Variants in DLC1 observed in about 807,000 individuals in gnomAD.
DLC1 encodes DLC1 Rho GTPase activating protein, also known as rho GTPase-activating protein 7.
A neutral mutation model predicts 140.3 loss-of-function variants in DLC1; 54 were observed. That is an observed-to-expected ratio of 0.38 (90% CI 0.31 to 0.48). The LOEUF is 0.48. DLC1 is among the 20% of genes least tolerant of loss of function. The pLI is 0.96. For synonymous variants in DLC1, 986 were observed against 728.1 expected, an observed-to-expected ratio of 1.35 and a Z score of -5.70; for missense variants, 2,536 against 1,907.0, an observed-to-expected ratio of 1.33 and a Z score of -6.14.
intron 5 of DLC1, among the ~76,000 whole-genome samples, chr8:13,283,069 T>C (rs1440148159): frequency 2.6e-5 from 4 of 152,212 alleles, no homozygotes; most frequent in South Asian, 2.1e-4. Context: ...CTGCATAATA[T>C]ACTCAGGCAT....
At chr8:13,440,579 A>C (rs1002116011) in intron 2 of DLC1, among the ~76,000 whole-genome samples, 1 of 151,806 alleles carries the variant, frequency 6.6e-6, no homozygotes, top group African/African-American at 2.4e-5. Flanking sequence ...CTTTCTATGT[A>C]ACATAGGAAT....
In DLC1 at chr8:13,439,142, T is replaced by C. The variant is rs1324688396; in HGVS notation, c.1024-37523A>G. ...GAGTTCGAGACCATCCTGGCAAACA[T>C]GGTGAATTCCGTCTCTACTAAAAAT... On this transcript the variant is annotated intron_variant, in intron 2 of 17. Transcript: ENST00000276297. Among the ~76,000 whole-genome samples the C allele has an allele frequency of 4.6e-5, 7 of 152,052 alleles. No homozygotes were observed. The East Asian group carries it at 1.4e-3, about 29-fold the overall frequency.
intron 13 of DLC1, 140 bp downstream of exon 13, chr8:13,092,472 C>T (rs531823681): frequency 4.5e-5 from 39 of 857,730 alleles, no homozygotes; most frequent in East Asian, 1.1e-4. Context: ...TCTTTATTAG[C>T]GGTGTGAGAA....
chr8:13,147,689 C>A (rs1013330206), intron 5 of DLC1, among the ~76,000 whole-genome samples: 14 of 151,730 alleles, frequency 9.2e-5, no homozygotes, highest in African/African-American at 3.1e-4. Context: ...TTTTGGCTAG[C>A]CACAGAAAAG....
intron 4 of DLC1, among the ~76,000 whole-genome samples, chr8:13,376,970 C>T (rs557070227): frequency 6.6e-6 from 1 of 152,296 alleles, no homozygotes; most frequent in South Asian, 2.1e-4. Flanking sequence ...GAAAAAAAAT[C>T]TGGTAGAAAC....
intron 5 of DLC1, among the ~76,000 whole-genome samples, chr8:13,136,039 C>G (rs538688710): frequency 6.6e-6 from 1 of 152,188 alleles, no homozygotes; most frequent in Non-Finnish European, 1.5e-5. Context: ...AAGGGCCAAG[C>G]CCCAATTTGT....
chr8:13,373,843 A>G lies in DLC1; in HGVS notation c.1314+19710T>C, dbSNP rs183314244. Reference sequence around the variant, plus strand: ...TTTTAAAGCTGGCTTAGTACAAATAAAAAAGAGAAAAACTTATAAGCTTTG... The same window carrying G: ...TTTTAAAGCTGGCTTAGTACAAATAGAAAAGAGAAAAACTTATAAGCTTTG... On this transcript the variant is annotated intron_variant, in intron 4 of 17. Coordinates refer to ENST00000276297, the MANE Select transcript of DLC1 (RefSeq NM_182643.3). 1.6e-3 allele frequency among the ~76,000 whole-genome samples: 240 copies of G among 152,316 alleles called. 1 individual carries two copies. The highest frequency in any genetic ancestry group is 5.5e-3 in the African/African-American group (228 of 41,580).
At chr8:13,388,941 T>C (rs1339868704) in intron 4 of DLC1, among the ~76,000 whole-genome samples, 1 of 152,066 alleles carries the variant, frequency 6.6e-6, no homozygotes, top group African/African-American at 2.4e-5. Flanking sequence ...GTTTCTGATA[T>C]AATAACAGCT....
chr8:13,112,359 A>T (rs1016855335), intron 6 of DLC1, among the ~76,000 whole-genome samples: 1 of 152,198 alleles, frequency 6.6e-6, no homozygotes, highest in African/African-American at 2.4e-5. Flanking sequence ...TATTCTTAGT[A>T]ATCTATTTTC....
At chr8:13,258,930 G>A (rs1830368155) in intron 5 of DLC1, among the ~76,000 whole-genome samples, 1 of 152,056 alleles carries the variant, frequency 6.6e-6, no homozygotes, top group Non-Finnish European at 1.5e-5. Context: ...GAGGTCAGGA[G>A]ATCGAGACCA....
At chr8:13,352,616 G>C (rs1674146562) in intron 4 of DLC1, among the ~76,000 whole-genome samples, 1 of 152,114 alleles carries the variant, frequency 6.6e-6, no homozygotes, top group South Asian at 2.1e-4. Flanking sequence ...CCTAGCTCAA[G>C]TGATCTTCCC....
chr8:13,455,338 C>T (rs1362387005), intron 2 of DLC1, among the ~76,000 whole-genome samples: 1 of 152,180 alleles, frequency 6.6e-6, no homozygotes, highest in African/African-American at 2.4e-5. Flanking sequence ...AGATTGTACA[C>T]TTCCTCTCCT....
chr8:13,088,558 G>C lies in DLC1; in HGVS notation c.4221C>G (p.Ser1407Arg). The part of the protein sequence containing the change: ...LDSKVIEILD[S>R]QTEIYQYVQN... ...GGACATACTGGTAAATTTCAGTTTG[G>C]CTGTCCAGAATTTCGATCACTTTTG... The change falls in exon 16 of 18, where the codon AGC becomes AGG. Residue 1407 changes from serine to arginine, a missense_variant. Transcript: ENST00000276297. 1.2e-6 allele frequency: 2 copies of C among 1,614,182 alleles called. No individual in the cohort carries two copies. The highest frequency in any genetic ancestry group is 1.7e-6 in the Non-Finnish European group (2 of 1,180,030).
At chr8:13,428,682 G>A (rs1838715668) in intron 2 of DLC1, among the ~76,000 whole-genome samples, 2 of 151,886 alleles carry the variant, frequency 1.3e-5, no homozygotes, top group Admixed American at 6.6e-5. Context: ...CTTTCCATCT[G>A]TTGAGTCTCT....
At chr8:13,400,288 G>A (rs757469603) in intron 3 of DLC1, among the ~76,000 whole-genome samples, 11 of 151,988 alleles carry the variant, frequency 7.2e-5, no homozygotes, top group Admixed American at 2.6e-4. Flanking sequence ...TGATCCGTGC[G>A]GTACTTCTTA....
At chr8:13,429,545 C>G (rs1396614929) in intron 2 of DLC1, among the ~76,000 whole-genome samples, 1 of 152,034 alleles carries the variant, frequency 6.6e-6, no homozygotes, top group Non-Finnish European at 1.5e-5. Flanking sequence ...CAGCTACTGT[C>G]ATCATGCAGC....
Position 13,553,224 on chromosome 8 carries a change from A to G in DLC1, c.-126+51313T>C, listed in dbSNP as rs1400263774. On this transcript the variant is annotated intron_variant, in intron 1 of 1. Coordinates refer to the DLC1 transcript ENST00000631382. The stretch of plus-strand genomic sequence containing the variant: ...CTGTCATATATATATATATATATAT[A>G]TATGTATATATATATATATATATAT... 2.2e-3 allele frequency among the ~76,000 whole-genome samples: 139 copies of G among 61,990 alleles called. 1 individual carries two copies. Among genetic ancestry groups the G allele is most frequent in the African/African-American group, 8.9e-3 (124 of 13,876 alleles). 40.7% of individuals were successfully genotyped at this position (61,990 alleles called of 152,430 possible). A position where few individuals can be genotyped will look rare whatever the true frequency, so the allele number is the denominator to read the frequency against.
chr8:13,325,695 T>G (rs1181398952), intron 4 of DLC1, among the ~76,000 whole-genome samples: 2 of 152,222 alleles, frequency 1.3e-5, no homozygotes, highest in African/African-American at 4.8e-5. Flanking sequence ...ATAAAGAACG[T>G]TCGGCATTAT....
chr8:13,390,944 C>G (rs939497072), intron 4 of DLC1, among the ~76,000 whole-genome samples: 2 of 145,886 alleles, frequency 1.4e-5, no homozygotes, highest in African/African-American at 5.1e-5. Flanking sequence ...GAGATTGCAC[C>G]ACTGCACTCC....
Sources: allele counts gnomAD v4.1 joint callset (sites outside exome capture counted in the v4.1 genomes callset), GRCh38; gene constraint gnomAD v4.1.1; transcripts MANE v1.5; gene names NCBI Gene and HGNC (gene_info 2026-07-23, HGNC 2026-07-21).